The following PALM2AKAP2 variants were observed in gnomAD, a reference collection of about 807,000 sequenced individuals.
PALM2AKAP2 encodes PALM2 and AKAP2 fusion.
In PALM2AKAP2, 37 loss-of-function variants were observed where a neutral mutation model predicts 71.5. That is an observed-to-expected ratio of 0.52 (90% CI 0.40 to 0.68). The LOEUF is 0.68. Among genes scored for constraint, PALM2AKAP2 ranks in the 30% least tolerant of loss-of-function variants. PALM2AKAP2 has a pLI of 0.00. For synonymous variants in PALM2AKAP2, 468 were observed against 478.8 expected (o/e 0.98, Z 0.29); for missense variants, 1,224 against 1,191.8 (o/e 1.03, Z -0.40).
chr9:110,035,898 A>C (rs985517442), intron 7 of PALM2AKAP2, among the ~76,000 whole-genome samples: 2 of 148,296 alleles, frequency 1.3e-5, no homozygotes, highest in African/African-American at 4.9e-5. Context: ...TGTGTGTTAT[A>C]TATAACATAT....
intron 1 of PALM2AKAP2, among the ~76,000 whole-genome samples, chr9:110,061,829 A>T (rs929051106): frequency 6.7e-6 from 1 of 149,480 alleles, no homozygotes; most frequent in East Asian, 1.9e-4. Context: ...ATAAGCCAAC[A>T]TGCCAGACAA....
At chr9:109,678,160 G>C (rs2118509394) in intron 1 of PALM2AKAP2, among the ~76,000 whole-genome samples, 1 of 152,274 alleles carries the variant, frequency 6.6e-6, no homozygotes, top group Non-Finnish European at 1.5e-5. Context: ...TTTCATGGAT[G>C]TTCTGCATTT....
At chr9:109,758,263 C>T (rs61454492) in intron 1 of PALM2AKAP2, among the ~76,000 whole-genome samples, 17,618 of 151,996 alleles carry the variant, frequency 0.12, 1,485 homozygotes, top group African/African-American at 0.23. Context: ...CTCTTTTAAC[C>T]CTATGGATGG....
chr9:110,108,193 G>C (rs1201770406), intron 1 of PALM2AKAP2, among the ~76,000 whole-genome samples: 1 of 144,098 alleles, frequency 6.9e-6, no homozygotes, highest in African/African-American at 2.6e-5. Flanking sequence ...TTGGCTCACT[G>C]CAACCTCTGC....
chr9:110,103,521 C>T (rs556590633), intron 1 of PALM2AKAP2, among the ~76,000 whole-genome samples: 9 of 152,306 alleles, frequency 5.9e-5, no homozygotes, highest in African/African-American at 2.2e-4. Context: ...GTGTTAATAG[C>T]CTGTGGAGGA....
Position 109,983,273 on chromosome 9 carries a change from G to A in PALM2AKAP2, c.497-32681G>A, listed in dbSNP as rs1832309553. ...GCGAATACCTGATTCTGGTTAAAGAGTTGGTTTTTGCTGATTATGTAGTAT... is the reference window on the plus strand; with the variant it reads ...GCGAATACCTGATTCTGGTTAAAGAATTGGTTTTTGCTGATTATGTAGTAT... On this transcript the variant is annotated intron_variant, in intron 6 of 9. Transcript: ENST00000302798. Among the ~76,000 whole-genome samples the A allele has an allele frequency of 2.0e-5, 3 of 152,218 alleles. No homozygotes were observed. In the South Asian group the frequency reaches 6.2e-4, roughly 31 times the overall value.
chr9:109,922,596 A>T lies in PALM2AKAP2; in HGVS notation c.258-1139A>T, dbSNP rs1316741704. Among the ~76,000 whole-genome samples, 5 of 152,254 alleles carry T rather than the reference A, an allele frequency of 3.3e-5. No individual in the cohort carries two copies. In the East Asian group the frequency reaches 5.8e-4, roughly 18 times the overall value. On this transcript the variant is annotated intron_variant, in intron 3 of 9. Transcript: ENST00000302798. ...AGTGATTGAATGAATGAACCAATGA[A>T]TAAATTCAGATCAAATAATTCAAGA...
chr9:109,928,181 C>T (rs374573431), intron 5 of PALM2AKAP2, among the ~76,000 whole-genome samples: 38 of 152,308 alleles, frequency 2.5e-4, no homozygotes, highest in African/African-American at 9.1e-4. Flanking sequence ...TGGCTCACTG[C>T]AACCTCCACC....
intron 1 of PALM2AKAP2, chr9:110,125,543 T>C: frequency 3.0e-6 from 3 of 985,476 alleles, no homozygotes; most frequent in Non-Finnish European, 3.6e-6. Context: ...CAGGAATCTG[T>C]CTGGAAAAAG....
chr9:109,822,078 G>A (rs1220501645), intron 1 of PALM2AKAP2, among the ~76,000 whole-genome samples: 1 of 152,230 alleles, frequency 6.6e-6, no homozygotes, highest in Non-Finnish European at 1.5e-5. Context: ...TATTAGTTAG[G>A]AGTCTGGGGT....
chr9:110,084,106 C>CA (rs1265795064), intron 1 of PALM2AKAP2, among the ~76,000 whole-genome samples: 1 of 152,074 alleles, frequency 6.6e-6, no homozygotes, highest in East Asian at 1.9e-4. Context: ...ATCTTGGTGT[C>CA]ATGAGAAGAG....
At chr9:110,018,233 C>G (rs1204664886) in intron 7 of PALM2AKAP2, among the ~76,000 whole-genome samples, 1 of 152,194 alleles carries the variant, frequency 6.6e-6, no homozygotes, top group Non-Finnish European at 1.5e-5. Context: ...TCTTTTACCC[C>G]TGCCCTACCC....
Position 109,642,549 on chromosome 9 carries a change from G to A in PALM2AKAP2, c.5+1683G>A, listed in dbSNP as rs191039599. ...AGTCTACAGCATTTATTGGGGTTTC[G>A]GATTGGCACCAAGCTATTCTTCATT... On this transcript the variant is annotated intron_variant, in intron 1 of 6. Transcript: ENST00000374531. 1.7e-4 allele frequency among the ~76,000 whole-genome samples: 26 copies of A among 150,174 alleles called. No individual in the cohort carries two copies. In the East Asian group the frequency reaches 4.6e-3, roughly 27 times the overall value.
upstream of PALM2AKAP2, among the ~76,000 whole-genome samples, chr9:109,775,286 T>C (rs1829333043): frequency 6.6e-6 from 1 of 152,234 alleles, no homozygotes; most frequent in African/African-American, 2.4e-5. Context: ...AGATTTCCAA[T>C]TGCTCATTTT....
At chr9:109,701,773 A>C (rs1471203475) in intron 1 of PALM2AKAP2, among the ~76,000 whole-genome samples, 1 of 152,258 alleles carries the variant, frequency 6.6e-6, no homozygotes, top group East Asian at 1.9e-4. Context: ...GAGCTTCTGC[A>C]CGGCAAAAGA....
intron 6 of PALM2AKAP2, among the ~76,000 whole-genome samples, chr9:109,955,852 G>A (rs1359710582): frequency 4.6e-5 from 7 of 151,832 alleles, no homozygotes; most frequent in Non-Finnish European, 7.4e-5. Context: ...CAGGAGAATC[G>A]CTTGAATCTG....
intron 1 of PALM2AKAP2, among the ~76,000 whole-genome samples, chr9:109,801,935 A>ACCC (rs1827441956): frequency 6.6e-6 from 1 of 152,186 alleles, no homozygotes; most frequent in Non-Finnish European, 1.5e-5. Context: ...GGGAGGGGTG[A>ACCC]TCCCCCCAAA....
intron 6 of PALM2AKAP2, among the ~76,000 whole-genome samples, chr9:109,967,218 G>T (rs971368478): frequency 2.0e-5 from 3 of 152,082 alleles, no homozygotes; most frequent in Non-Finnish European, 4.4e-5. Flanking sequence ...TCTCCCCAGG[G>T]CATCTCCATG....
intron 1 of PALM2AKAP2, among the ~76,000 whole-genome samples, chr9:109,661,856 T>A (rs891447035): frequency 1.3e-5 from 2 of 152,230 alleles, no homozygotes; most frequent in African/African-American, 4.8e-5. Flanking sequence ...CAGTGGTTTG[T>A]AATTCTCCTT....
Sources: allele counts gnomAD v4.1 joint callset (sites outside exome capture counted in the v4.1 genomes callset), GRCh38; gene constraint gnomAD v4.1.1; transcripts MANE v1.5; gene names NCBI Gene and HGNC (gene_info 2026-07-23, HGNC 2026-07-21).